The following CFAP61 variants were observed in gnomAD, a reference collection of about 807,000 sequenced individuals.
CFAP61 encodes the protein cilia and flagella associated protein 61, also known as cilia- and flagella-associated protein 61.
In CFAP61, 107 loss-of-function variants were observed where a neutral mutation model predicts 135.6. The observed-to-expected ratio is 0.79, with a 90% CI of 0.67 to 0.93. The LOEUF is 0.93. CFAP61 is among the 40% of genes least tolerant of loss of function. The probability of loss-of-function intolerance (pLI) is 0.00; values close to 1 mark genes in which losing one functional copy is unlikely to be tolerated. For synonymous variants in CFAP61, 575 were observed against 578.5 expected (o/e 0.99, Z 0.09); for missense variants, 1,507 against 1,556.2 (o/e 0.97, Z 0.53).
At chr20:20,135,707 A>C (rs2050874322) in intron 8 of CFAP61, among the ~76,000 whole-genome samples, 1 of 152,282 alleles carries the variant, frequency 6.6e-6, no homozygotes, top group Non-Finnish European at 1.5e-5. Context: ...TTACTGTACT[A>C]TGTCTTGAAA....
intron 24 of CFAP61, among the ~76,000 whole-genome samples, chr20:20,290,677 C>T (rs2054939605): frequency 6.6e-6 from 1 of 152,222 alleles, no homozygotes; most frequent in African/African-American, 2.4e-5. Context: ...AAAGATACGA[C>T]AGCTTCCAGC....
intron 25 of CFAP61, among the ~76,000 whole-genome samples, chr20:20,337,533 G>GAATAAAA (rs1569310993): frequency 1.4e-5 from 2 of 145,934 alleles, no homozygotes; most frequent in Admixed American, 6.8e-5. Context: ...TGGATGGATA[G>GAATAAAA]ATGGGTGGGT....
chr20:20,179,788 A>G (rs1332109641), intron 13 of CFAP61, among the ~76,000 whole-genome samples: 1 of 152,242 alleles, frequency 6.6e-6, no homozygotes, highest in Non-Finnish European at 1.5e-5. Flanking sequence ...AGGATTCCCT[A>G]TTCAATAAAT....
chr20:20,107,571 G>T (rs1232130558), intron 8 of CFAP61: 3 of 152,136 alleles, frequency 2.0e-5, no homozygotes, highest in Non-Finnish European at 4.4e-5. Flanking sequence ...AGGAGTATAT[G>T]TATAATATAT....
At chr20:20,198,012 C>T (rs369142206) in intron 16 of CFAP61, among the ~76,000 whole-genome samples, 16 of 152,290 alleles carry the variant, frequency 1.1e-4, no homozygotes, top group South Asian at 2.1e-4. Flanking sequence ...TTTTATTTAA[C>T]GAAAACCTTT....
At chr20:20,325,945 AC>A (rs773293171) in intron 25 of CFAP61, among the ~76,000 whole-genome samples, 2 of 152,180 alleles carry the variant, frequency 1.3e-5, no homozygotes, top group Non-Finnish European at 2.9e-5. Context: ...CTAGTGACTT[AC>A]CATATTGACC....
chr20:20,133,190 G>A (rs944295640), intron 8 of CFAP61, among the ~76,000 whole-genome samples: 5 of 152,158 alleles, frequency 3.3e-5, no homozygotes, highest in South Asian at 2.1e-4. Context: ...TCAATAATCC[G>A]TTGCCACAAT....
At chr20:20,204,315 C>A (rs1169167785) in intron 17 of CFAP61, among the ~76,000 whole-genome samples, 1 of 152,104 alleles carries the variant, frequency 6.6e-6, no homozygotes, top group Non-Finnish European at 1.5e-5. Flanking sequence ...TCTGTGCATT[C>A]ATTTCTCCAC....
intron 1 of CFAP61, chr20:20,056,052 G>C (rs922365546): frequency 6.9e-7 from 1 of 1,459,698 alleles, no homozygotes; most frequent in Non-Finnish European, 9.4e-7. Context: ...GAAAGGCTGG[G>C]TTATACAAAG....
chr20:20,185,783 T>C (rs1379364848), intron 13 of CFAP61, among the ~76,000 whole-genome samples: 1 of 152,242 alleles, frequency 6.6e-6, no homozygotes, highest in Non-Finnish European at 1.5e-5. Context: ...ACCCTGTCCA[T>C]TTTTACTTCA....
chr20:20,114,867 T>TG (rs1390479542), intron 8 of CFAP61, among the ~76,000 whole-genome samples: 27 of 152,334 alleles, frequency 1.8e-4, no homozygotes, highest in African/African-American at 6.5e-4. Context: ...TGAATACTCA[T>TG]TATCAGGTCA....
At chr20:20,288,545 A>T (rs1289008943) in intron 22 of CFAP61, 64 bp from the exon 23 acceptor site, 8 of 1,298,920 alleles carry the variant, frequency 6.2e-6, no homozygotes, top group Admixed American at 5.4e-5. Context: ...GAGACTAGTC[A>T]CACTTTTGGG....
chr20:20,059,326 C>CAAAAAAA (rs11458923), intron 2 of CFAP61, among the ~76,000 whole-genome samples: 3 of 45,482 alleles, frequency 6.6e-5, no homozygotes, highest in Admixed American at 4.2e-4. Flanking sequence ...GACTCTGTCT[C>CAAAAAAA]AAAAAAAAAA....
chr20:20,163,988 G>A (rs1300486609), intron 10 of CFAP61, 62 bp from the exon 11 acceptor site: 2 of 1,391,008 alleles, frequency 1.4e-6, no homozygotes, highest in African/African-American at 1.4e-5. Flanking sequence ...GCAGCCACCA[G>A]CCCACTAAAT....
At chr20:20,136,290 C>T (rs1177971095) in intron 8 of CFAP61, among the ~76,000 whole-genome samples, 4 of 152,080 alleles carry the variant, frequency 2.6e-5, no homozygotes, top group Admixed American at 1.3e-4. Flanking sequence ...AGGTTTGGGA[C>T]GTTCTCTGTT....
At chr20:20,346,391 G>A (rs999823846) in intron 26 of CFAP61, among the ~76,000 whole-genome samples, 1 of 151,128 alleles carries the variant, frequency 6.6e-6, no homozygotes, top group Non-Finnish European at 1.5e-5. Flanking sequence ...GGTGGTGGGC[G>A]GCTGTAGTCC....
At chr20:20,079,994 G>A (rs967377018) in intron 6 of CFAP61, among the ~76,000 whole-genome samples, 12 of 151,968 alleles carry the variant, frequency 7.9e-5, no homozygotes, top group Non-Finnish European at 1.8e-4. Context: ...TAAATTACAA[G>A]AATCTCCACA....
intron 8 of CFAP61, among the ~76,000 whole-genome samples, chr20:20,107,376 A>G (rs185000927): frequency 1.3e-5 from 2 of 152,314 alleles, no homozygotes; most frequent in East Asian, 3.9e-4. Flanking sequence ...AGGCTCACTC[A>G]GTAGAAGACC....
chr20:20,112,936 G>A (rs2048897126), intron 8 of CFAP61, among the ~76,000 whole-genome samples: 2 of 152,054 alleles, frequency 1.3e-5, no homozygotes, highest in South Asian at 4.1e-4. Flanking sequence ...ATTTTTTAGG[G>A]AAGTGGTTTG....
Sources: allele counts gnomAD v4.1 joint callset (sites outside exome capture counted in the v4.1 genomes callset), GRCh38; gene constraint gnomAD v4.1.1; transcripts MANE v1.5; gene names NCBI Gene and HGNC (gene_info 2026-07-23, HGNC 2026-07-21).